The following CDC14A variants were observed in gnomAD, a reference collection of about 807,000 sequenced individuals.
CDC14A encodes dual specificity protein phosphatase CDC14A.
CDC14A carries 53 observed loss-of-function variants against 74.4 expected under a neutral mutation model. That is an observed-to-expected ratio of 0.71 (90% CI 0.57 to 0.89). The LOEUF (loss-of-function observed/expected upper bound fraction) is 0.89, where lower values mean the gene tolerates loss of function less well. Ranked by LOEUF, CDC14A falls within the 40% of genes least tolerant of loss-of-function variation. CDC14A has a pLI of 0.00. For missense variants in CDC14A, 646 were observed against 713.7 expected (o/e 0.91, Z 1.08); for synonymous variants, 247 against 258.4 (o/e 0.96, Z 0.43).
chr1:100,462,506 C>T (rs1380731151), intron 8 of CDC14A, 145 bp from the exon 9 acceptor site: 1 of 644,682 alleles, frequency 1.6e-6, no homozygotes, highest in Non-Finnish European at 2.7e-6. Flanking sequence ...CTTGTAGGAG[C>T]TTGCTGTGAC....
chr1:100,350,661 T>G (rs956078000), upstream of CDC14A, among the ~76,000 whole-genome samples: 1 of 152,206 alleles, frequency 6.6e-6, no homozygotes, highest in Non-Finnish European at 1.5e-5. Flanking sequence ...TTTGTGCAAT[T>G]AAAAGTTTAT....
chr1:100,376,158 G>T (rs1328541910), intron 2 of CDC14A, among the ~76,000 whole-genome samples: 1 of 152,144 alleles, frequency 6.6e-6, no homozygotes, highest in Non-Finnish European at 1.5e-5. Flanking sequence ...GTCATGGGGT[G>T]GGGGGATGGG....
At chr1:100,393,619 C>T (rs1468967454) in intron 4 of CDC14A, 1 of 662,120 alleles carries the variant, frequency 1.5e-6, no homozygotes, top group Non-Finnish European at 2.8e-6. Context: ...GCAGCTGCTT[C>T]CTGCACACCA....
chr1:100,358,261 G>A (rs991761298), intron 2 of CDC14A, among the ~76,000 whole-genome samples: 2 of 152,148 alleles, frequency 1.3e-5, no homozygotes, highest in Non-Finnish European at 2.9e-5. Flanking sequence ...TTGTTCTTTG[G>A]TATTGGAATT....
At chr1:100,446,963 T>A (rs888218968) in intron 7 of CDC14A, among the ~76,000 whole-genome samples, 35 of 152,208 alleles carry the variant, frequency 2.3e-4, no homozygotes, top group African/African-American at 8.0e-4. Flanking sequence ...CTTTCCAAAG[T>A]CCTGGGATTG....
intron 4 of CDC14A, among the ~76,000 whole-genome samples, chr1:100,392,070 G>T (rs1008972518): frequency 6.6e-6 from 1 of 152,130 alleles, no homozygotes; most frequent in Non-Finnish European, 1.5e-5. Flanking sequence ...TTCCTTATCC[G>T]CAAAATGAGA....
rs10875301 is a variant in CDC14A, at chr1:100,510,102, G to A, written c.1756-8149G>A. Among the ~76,000 whole-genome samples, 198 of 152,030 alleles carry A rather than the reference G, an allele frequency of 1.3e-3. 2 individuals are homozygous for A. The East Asian group carries it at 0.03, about 23-fold the overall frequency. On this transcript the variant is annotated intron_variant, in intron 15 of 15. Transcript: ENST00000336454. ...AACATCATCCAAGGATACTCATATC[G>A]TTTTGTCCTCATCACTGTTATCACC...
rs28364868 is a variant in CDC14A, at chr1:100,454,313, G to A, written c.520-1092G>A. Reference sequence around the variant, plus strand: ...ATGGCCCAGTGAAGAGAACAACATTGCTTCCCTGCCCTGAGGATGGAGACA... The same window carrying A: ...ATGGCCCAGTGAAGAGAACAACATTACTTCCCTGCCCTGAGGATGGAGACA... On this transcript the variant is annotated intron_variant, in intron 7 of 15. Transcript: ENST00000336454. Among the ~76,000 whole-genome samples, 886 of 152,144 alleles carry A rather than the reference G, an allele frequency of 5.8e-3. 16 individuals are homozygous for A. The highest frequency in any genetic ancestry group is 0.021 in the African/African-American group (860 of 41,498).
chr1:100,364,987 A>G lies in CDC14A; in HGVS notation c.140+11135A>G, dbSNP rs541912122. Among the ~76,000 whole-genome samples the G allele has an allele frequency of 1.1e-4, 17 of 152,352 alleles. No individual in the cohort carries two copies. In the South Asian group the frequency reaches 3.3e-3, roughly 30 times the overall value. On this transcript the variant is annotated intron_variant, in intron 2 of 15. Transcript: ENST00000336454. Reference sequence around the variant, plus strand: ...GTATTTACCTCGGGTTAAGAAGGTAATAAGTGGAGAATGGTTCCTCACCCT... The same window carrying G: ...GTATTTACCTCGGGTTAAGAAGGTAGTAAGTGGAGAATGGTTCCTCACCCT...
intron 7 of CDC14A, among the ~76,000 whole-genome samples, chr1:100,447,777 G>GGAA (rs1321620682): frequency 6.6e-6 from 1 of 152,300 alleles, no homozygotes; most frequent in Admixed American, 6.5e-5. Context: ...TGTAAGACCT[G>GGAA]GAAGTGGCAC....
At chr1:100,516,256 ATATG>A (rs776108464) in intron 15 of CDC14A, among the ~76,000 whole-genome samples, 167 of 152,340 alleles carry the variant, frequency 1.1e-3, no homozygotes, top group Non-Finnish European at 2.1e-3. Flanking sequence ...ATGAATATAT[ATATG>A]TGTGTGTTTA....
At chr1:100,458,413 G>A (rs1666949076) in intron 8 of CDC14A, among the ~76,000 whole-genome samples, 1 of 152,070 alleles carries the variant, frequency 6.6e-6, no homozygotes, top group African/African-American at 2.4e-5. Context: ...TTCTATGCAT[G>A]TATTGTGCCC....
intron 4 of CDC14A, among the ~76,000 whole-genome samples, chr1:100,399,167 G>A (rs935538048): frequency 2.0e-5 from 3 of 152,068 alleles, no homozygotes; most frequent in African/African-American, 7.2e-5. Flanking sequence ...TTATTTATTA[G>A]GTGTGATTGC....
At chr1:100,514,310 A>G (rs1204290231) in intron 15 of CDC14A, among the ~76,000 whole-genome samples, 2 of 152,248 alleles carry the variant, frequency 1.3e-5, no homozygotes, top group Non-Finnish European at 2.9e-5. Flanking sequence ...ATACTTAAGC[A>G]TGGATGTTCT....
At chr1:100,378,655 C>T (rs891092538) in intron 3 of CDC14A, among the ~76,000 whole-genome samples, 3 of 151,988 alleles carry the variant, frequency 2.0e-5, no homozygotes, top group Admixed American at 2.0e-4. Context: ...TGGAATTATA[C>T]CAAAAAGAAT....
intron 14 of CDC14A, 88 bp from the exon 15 acceptor site, chr1:100,498,841 T>A: frequency 6.7e-7 from 1 of 1,484,260 alleles, no homozygotes; most frequent in Admixed American, 2.4e-5. Flanking sequence ...TCCCCTAATG[T>A]CATGAGTATG....
chr1:100,366,264 T>A (rs924332701), intron 2 of CDC14A, among the ~76,000 whole-genome samples: 4 of 152,222 alleles, frequency 2.6e-5, no homozygotes, highest in Non-Finnish European at 5.9e-5. Flanking sequence ...CTGTGATGAA[T>A]ATGCTAACTA....
intron 15 of CDC14A, among the ~76,000 whole-genome samples, chr1:100,504,119 C>G (rs1386309735): frequency 6.6e-6 from 1 of 152,162 alleles, no homozygotes; most frequent in East Asian, 1.9e-4. Flanking sequence ...ATTAGGCACT[C>G]ATTAAGTATT....
At chr1:100,484,123 T>C (rs2270693) in intron 10 of CDC14A, among the ~76,000 whole-genome samples, 169 bp from the exon 11 acceptor site, 1 of 152,186 alleles carries the variant, frequency 6.6e-6, no homozygotes, top group Admixed American at 6.5e-5. Context: ...TTTTTGAAAG[T>C]GACTTCATTG....
Sources: allele counts gnomAD v4.1 joint callset (sites outside exome capture counted in the v4.1 genomes callset), GRCh38; gene constraint gnomAD v4.1.1; transcripts MANE v1.5; gene names NCBI Gene and HGNC (gene_info 2026-07-23, HGNC 2026-07-21).